LDLRAD3: variants seen among roughly 807,000 people sequenced by gnomAD.
The protein encoded by LDLRAD3 is low density lipoprotein receptor class A domain containing 3.
In LDLRAD3, 20 loss-of-function variants were observed where a neutral mutation model predicts 29.4. The ratio of observed to expected loss-of-function variants is 0.68; its 90% CI spans 0.48 to 0.99. The LOEUF is 0.99. LDLRAD3 is among the 50% of genes least tolerant of loss of function. The pLI is 0.00. For missense variants in LDLRAD3, 420 were observed against 454.3 expected, an observed-to-expected ratio of 0.92 and a Z score of 0.69; for synonymous variants, 157 against 192.7, an observed-to-expected ratio of 0.81 and a Z score of 1.53.
intron 1 of LDLRAD3, among the ~76,000 whole-genome samples, chr11:35,982,682 C>T (rs1004816481): frequency 6.6e-6 from 1 of 152,034 alleles, no homozygotes; most frequent in Non-Finnish European, 1.5e-5. Flanking sequence ...AGTCTGTCAT[C>T]CCCCTTCCTC....
At chr11:36,188,801 A>G (rs185162814) in intron 4 of LDLRAD3, among the ~76,000 whole-genome samples, 212 of 152,268 alleles carry the variant, frequency 1.4e-3, no homozygotes, top group Middle Eastern at 3.4e-3. Context: ...CATTGAAACT[A>G]CTAGCCCTTT....
rs1292209468 is a variant in LDLRAD3, at chr11:36,229,445, T to A, written c.*48T>A. On this transcript the variant is annotated 3_prime_UTR_variant, in exon 6 of 6. Transcript: ENST00000315571. ...TATGGGTTAATCTGCTCTGACTTGT[T>A]GCCATTCTAACAATTTGTGCTCATG... 1 of 1,357,580 alleles carries A rather than the reference T, an allele frequency of 7.4e-7. No homozygotes were observed. The highest frequency in any genetic ancestry group is 1.2e-5 in the South Asian group (1 of 82,754). The allele number at this position is 1,357,580 out of a possible 1,614,324, so 84.1% of individuals were successfully genotyped here.
chr11:36,143,019 T>C (rs1854109460), intron 4 of LDLRAD3, among the ~76,000 whole-genome samples: 1 of 152,222 alleles, frequency 6.6e-6, no homozygotes, highest in Non-Finnish European at 1.5e-5. Flanking sequence ...TAACAAACAT[T>C]GATTAAACAC....
intron 4 of LDLRAD3, among the ~76,000 whole-genome samples, chr11:36,098,778 T>C (rs1298203718): frequency 6.6e-6 from 1 of 152,254 alleles, no homozygotes; most frequent in Non-Finnish European, 1.5e-5. Context: ...GACAACGCTT[T>C]ATTGGGGCAA....
At chr11:36,094,847 A>G (rs1201048295) in intron 3 of LDLRAD3, among the ~76,000 whole-genome samples, 1 of 152,078 alleles carries the variant, frequency 6.6e-6, no homozygotes, top group African/African-American at 2.4e-5. Flanking sequence ...CATTTTAGTC[A>G]TTTCTGATTT....
At chr11:35,988,344 G>A (rs1386323085) in intron 1 of LDLRAD3, among the ~76,000 whole-genome samples, 4 of 152,192 alleles carry the variant, frequency 2.6e-5, no homozygotes, top group Non-Finnish European at 5.9e-5. Flanking sequence ...ACAGGCATGA[G>A]CCAGTGTGCC....
At chr11:36,060,510 G>A (rs1046729282) in intron 2 of LDLRAD3, among the ~76,000 whole-genome samples, 1 of 151,994 alleles carries the variant, frequency 6.6e-6, no homozygotes, top group Non-Finnish European at 1.5e-5. Context: ...GGAAATGAAT[G>A]TGGAATTTGA....
chr11:36,179,602 A>G (rs1854727512), intron 4 of LDLRAD3, among the ~76,000 whole-genome samples: 1 of 152,214 alleles, frequency 6.6e-6, no homozygotes, highest in African/African-American at 2.4e-5. Context: ...GTTTGAATCC[A>G]GTTCTTCAGT....
intron 2 of LDLRAD3, among the ~76,000 whole-genome samples, chr11:36,072,290 G>T (rs1392067): frequency 0.15 from 22,815 of 152,196 alleles, 2,076 homozygotes; most frequent in East Asian, 0.35. Context: ...CTGTTCTGGT[G>T]GAACAGAGAG....
intron 1 of LDLRAD3, among the ~76,000 whole-genome samples, chr11:35,965,467 C>T (rs529745692): frequency 3.0e-4 from 45 of 152,168 alleles, no homozygotes; most frequent in Middle Eastern, 3.4e-3. Context: ...AGAGGAGGCT[C>T]CAAGGCTGTG....
At chr11:36,125,521 AAT>A (rs1262555252) in intron 4 of LDLRAD3, among the ~76,000 whole-genome samples, 1 of 152,190 alleles carries the variant, frequency 6.6e-6, no homozygotes, top group Non-Finnish European at 1.5e-5. Context: ...GTAGATAGTC[AAT>A]GTTTGTTGAA....
intron 4 of LDLRAD3, among the ~76,000 whole-genome samples, chr11:36,183,531 A>G (rs1309401315): frequency 1.3e-5 from 2 of 152,228 alleles, no homozygotes; most frequent in Non-Finnish European, 2.9e-5. Context: ...TTGGACAAGA[A>G]GAAAAAATTA....
chr11:36,170,178 G>A (rs1432611472), intron 4 of LDLRAD3, among the ~76,000 whole-genome samples: 1 of 151,494 alleles, frequency 6.6e-6, no homozygotes, highest in Non-Finnish European at 1.5e-5. Flanking sequence ...CTCCATCCAG[G>A]TTGTTGCATA....
chr11:36,094,723 G>A (rs1853333915), intron 3 of LDLRAD3, among the ~76,000 whole-genome samples: 2 of 151,994 alleles, frequency 1.3e-5, no homozygotes, highest in Non-Finnish European at 2.9e-5. Flanking sequence ...TTTTAGTAGA[G>A]GCAGGGTTTC....
chr11:36,142,336 G>T (rs1003471519), intron 4 of LDLRAD3, among the ~76,000 whole-genome samples: 2 of 152,210 alleles, frequency 1.3e-5, no homozygotes, highest in African/African-American at 4.8e-5. Context: ...ATATCCATGT[G>T]CCTGTTTGTT....
chr11:36,123,961 G>A (rs1467586376), intron 4 of LDLRAD3, among the ~76,000 whole-genome samples: 18 of 152,226 alleles, frequency 1.2e-4, no homozygotes, highest in African/African-American at 4.1e-4. Context: ...GAGTGAAGCC[G>A]GCAGCTGGAC....
chr11:35,953,273 G>T (rs1377278365), intron 1 of LDLRAD3, among the ~76,000 whole-genome samples: 1 of 152,180 alleles, frequency 6.6e-6, no homozygotes, highest in Non-Finnish European at 1.5e-5. Flanking sequence ...GGGAGGGCAG[G>T]CCCTTTAGCT....
Position 36,231,578 on chromosome 11 carries a change from G to A in LDLRAD3, c.*2181G>A, listed in dbSNP as rs2289981. ...ATTGCGCAGTGAGTTAATCTCACTC[G>A]CTTTTCTGCTTCCAGGCATCTTAGG... On this transcript the variant is annotated 3_prime_UTR_variant, in exon 6 of 6. Coordinates refer to ENST00000315571, the MANE Select transcript of LDLRAD3 (RefSeq NM_174902.4). 5.5e-4 allele frequency: 84 copies of A among 152,226 alleles called. No individual in the cohort carries two copies. The highest frequency in any genetic ancestry group is 2.0e-3 in the African/African-American group (83 of 41,544). 9.4% of individuals were successfully genotyped at this position (152,226 alleles called of 1,614,324 possible).
chr11:36,130,938 T>G (rs563069698), intron 4 of LDLRAD3, among the ~76,000 whole-genome samples: 1 of 152,260 alleles, frequency 6.6e-6, no homozygotes, highest in Non-Finnish European at 1.5e-5. Context: ...TCCTAATGTC[T>G]TTATCTAACC....
Sources: allele counts gnomAD v4.1 joint callset (sites outside exome capture counted in the v4.1 genomes callset), GRCh38; gene constraint gnomAD v4.1.1; transcripts MANE v1.5; gene names NCBI Gene and HGNC (gene_info 2026-07-23, HGNC 2026-07-21).